The following PKP2 variants were observed in gnomAD, a reference collection of about 807,000 sequenced individuals.
PKP2 encodes the protein plakophilin-2.
In PKP2, 73 loss-of-function variants were observed where a neutral mutation model predicts 83.4. The ratio of observed to expected loss-of-function variants is 0.88; its 90% CI spans 0.72 to 1.06. PKP2 has a LOEUF of 1.06. Ranked by LOEUF, PKP2 falls within the 50% of genes least tolerant of loss-of-function variation. PKP2 has a pLI of 0.00. For missense variants in PKP2, 966 were observed against 1,065.4 expected (o/e 0.91, Z 1.30); for synonymous variants, 409 against 430.4 (o/e 0.95, Z 0.62).
intron 10 of PKP2, among the ~76,000 whole-genome samples, chr12:32,800,566 G>C (rs930408529): frequency 1.3e-5 from 2 of 152,192 alleles, no homozygotes; most frequent in African/African-American, 4.8e-5. Flanking sequence ...TCTATGGCCT[G>C]AGCAAGCTAC....
intron 1 of PKP2, chr12:32,893,234 A>C (rs942152193): frequency 6.6e-6 from 1 of 152,174 alleles, no homozygotes; most frequent in Non-Finnish European, 1.5e-5. Context: ...CAGGTTTGTC[A>C]ACAACTCAGA....
chr12:32,805,466 G>A (rs924810681), intron 9 of PKP2, among the ~76,000 whole-genome samples: 5 of 152,046 alleles, frequency 3.3e-5, no homozygotes, highest in African/African-American at 7.2e-5. Context: ...AATCCATCTC[G>A]AGTTAATTTT....
chr12:32,876,922 A>C (rs1162253993), intron 3 of PKP2, among the ~76,000 whole-genome samples: 4 of 152,246 alleles, frequency 2.6e-5, no homozygotes, highest in Non-Finnish European at 5.9e-5. Context: ...ACATCATAAA[A>C]AATATTTCCT....
At chr12:32,830,137 G>A (rs1234073147) in intron 6 of PKP2, among the ~76,000 whole-genome samples, 1 of 152,238 alleles carries the variant, frequency 6.6e-6, no homozygotes, top group East Asian at 1.9e-4. Flanking sequence ...CAAAGTTAGA[G>A]TCTATTCCAA....
At chr12:32,881,387 A>G (rs768655571) in intron 1 of PKP2, among the ~76,000 whole-genome samples, 23 of 152,208 alleles carry the variant, frequency 1.5e-4, no homozygotes, top group Admixed American at 2.6e-4. Flanking sequence ...TATGGCAAAG[A>G]ACGGCTGGAA....
chr12:32,837,798 T>G (rs769293320), intron 6 of PKP2, among the ~76,000 whole-genome samples: 1 of 152,174 alleles, frequency 6.6e-6, no homozygotes, highest in Non-Finnish European at 1.5e-5. Flanking sequence ...ATCGTTGCCT[T>G]TAGATTTTTA....
chr12:32,865,351 AG>A (rs1244702786), intron 4 of PKP2, among the ~76,000 whole-genome samples: 1 of 129,778 alleles, frequency 7.7e-6, no homozygotes, highest in Non-Finnish European at 1.6e-5. Flanking sequence ...CTCCAGCATG[AG>A]TGACAGAGCA....
At chr12:32,821,648 C>T (rs1408568370) in intron 8 of PKP2, 119 bp from the exon 9 acceptor site, 1 of 929,510 alleles carries the variant, frequency 1.1e-6, no homozygotes, top group Non-Finnish European at 1.7e-6. Context: ...CATAAGAAGC[C>T]CTTGAAATAG....
At chr12:32,887,698 C>T (rs970314157) in intron 1 of PKP2, among the ~76,000 whole-genome samples, 8 of 152,172 alleles carry the variant, frequency 5.3e-5, no homozygotes, top group African/African-American at 1.2e-4. Context: ...GAGTTCTACC[C>T]GCCTCGGGCT....
At chr12:32,822,405 A>G in intron 8 of PKP2, 62 bp downstream of exon 8, 3 of 1,408,248 alleles carry the variant, frequency 2.1e-6, no homozygotes, top group Non-Finnish European at 3.0e-6. Context: ...ACACATATAC[A>G]CAAACACACA....
At chr12:32,800,693 G>A (rs1956170892) in intron 10 of PKP2, among the ~76,000 whole-genome samples, 1 of 152,192 alleles carries the variant, frequency 6.6e-6, no homozygotes, top group East Asian at 1.9e-4. Flanking sequence ...TACTGCGCAT[G>A]TGGTAAGCTC....
intron 1 of PKP2, among the ~76,000 whole-genome samples, chr12:32,880,325 G>A (rs57842976): frequency 0.015 from 2,276 of 151,888 alleles, 77 homozygotes; most frequent in African/African-American, 0.053. Context: ...GCTTGAACCC[G>A]GGAGGCAGAG....
chr12:32,803,401 T>G (rs1956200188), intron 9 of PKP2, among the ~76,000 whole-genome samples: 1 of 152,044 alleles, frequency 6.6e-6, no homozygotes, highest in South Asian at 2.1e-4. Flanking sequence ...ACAAATGCAA[T>G]GCAATGTTGG....
chr12:32,855,978 G>A (rs904712376), intron 4 of PKP2, among the ~76,000 whole-genome samples: 1 of 151,658 alleles, frequency 6.6e-6, no homozygotes, highest in African/African-American at 2.4e-5. Context: ...TTTTTGTGGG[G>A]ACAAAGAAAG....
intron 4 of PKP2, among the ~76,000 whole-genome samples, chr12:32,857,446 G>A (rs1343352213): frequency 6.6e-6 from 1 of 151,892 alleles, no homozygotes; most frequent in East Asian, 1.9e-4. Flanking sequence ...AAAAAAGAGA[G>A]AGAGAGAGAG....
At chr12:32,866,652 A>G (rs574161201) in intron 4 of PKP2, among the ~76,000 whole-genome samples, 115 of 152,160 alleles carry the variant, frequency 7.6e-4, no homozygotes, top group Non-Finnish European at 1.4e-3. Flanking sequence ...CTTACAGGCT[A>G]ACATTAAGGC....
chr12:32,800,478 C>T (rs915407458), intron 10 of PKP2, among the ~76,000 whole-genome samples: 4 of 152,186 alleles, frequency 2.6e-5, no homozygotes, highest in Admixed American at 2.6e-4. Flanking sequence ...TTCAAGCACA[C>T]AGCATACTGT....
intron 4 of PKP2, among the ~76,000 whole-genome samples, chr12:32,860,118 G>A (rs1956785418): frequency 6.6e-6 from 1 of 152,206 alleles, no homozygotes. Context: ...TGCCTTGGGA[G>A]AGTTCCCAGG....
intron 5 of PKP2, among the ~76,000 whole-genome samples, chr12:32,848,132 CAT>C (rs1343590883): frequency 6.6e-6 from 1 of 152,154 alleles, no homozygotes; most frequent in African/African-American, 2.4e-5. Flanking sequence ...AAGAGCGTAG[CAT>C]GGTACTGGTA....
Sources: allele counts gnomAD v4.1 joint callset (sites outside exome capture counted in the v4.1 genomes callset), GRCh38; gene constraint gnomAD v4.1.1; transcripts MANE v1.5; gene names NCBI Gene and HGNC (gene_info 2026-07-23, HGNC 2026-07-21).